Variants in TIGAR observed in about 807,000 individuals in gnomAD.
TIGAR encodes the protein TP53 induced glycolysis regulatory phosphatase.
A neutral mutation model predicts 17.9 loss-of-function variants in TIGAR; 7 were observed. The observed-to-expected ratio is 0.39, with a 90% CI of 0.22 to 0.73. The LOEUF is 0.73. TIGAR is among the 30% of genes least tolerant of loss of function. TIGAR has a pLI of 0.42. For synonymous variants in TIGAR, 94 were observed against 108.6 expected (o/e 0.87, Z 0.84); for missense variants, 258 against 327.4 (o/e 0.79, Z 1.64).
At chr12:4,336,389 G>T (rs1429820577) in intron 2 of TIGAR, among the ~76,000 whole-genome samples, 1 of 150,902 alleles carries the variant, frequency 6.6e-6, no homozygotes, top group Non-Finnish European at 1.5e-5. Flanking sequence ...GGGCTTTGGG[G>T]TTGCTTTACT....
intron 1 of TIGAR, chr12:4,324,671 G>T: frequency 1.8e-6 from 2 of 1,126,204 alleles, no homozygotes; most frequent in Non-Finnish European, 2.6e-6. Flanking sequence ...CGCAGGCCCG[G>T]GTTCACTTGC....
intron 1 of TIGAR, chr12:4,324,323 CTTTTT>C (rs34096957): frequency 1.3e-3 from 810 of 627,744 alleles, no homozygotes; most frequent in African/African-American, 0.011. Flanking sequence ...ATTTAACTTC[CTTTTT>C]TTTTTTTTTT....
At chr12:4,327,617 A>C (rs1200176756) in intron 1 of TIGAR, among the ~76,000 whole-genome samples, 2 of 152,178 alleles carry the variant, frequency 1.3e-5, no homozygotes, top group Admixed American at 6.5e-5. Context: ...GTGCATATTA[A>C]GTTAGGTGAC....
intron 1 of TIGAR, among the ~76,000 whole-genome samples, chr12:4,329,328 C>CTTTTT (rs34584528): frequency 6.8e-5 from 5 of 73,264 alleles, no homozygotes; most frequent in African/African-American, 1.1e-4. Flanking sequence ...AGCTAATGAT[C>CTTTTT]TTTTTTTTTT....
chr12:4,324,688 T>C (rs1443744377), intron 1 of TIGAR: 1 of 944,132 alleles, frequency 1.1e-6, no homozygotes, highest in Non-Finnish European at 1.7e-6. Flanking sequence ...TTGCGGCCGC[T>C]GGCACGCACT....
At position 4,352,799 on chromosome 12, in the gene TIGAR, C is replaced by T; in HGVS notation, c.*108C>T. On this transcript the variant is annotated 3_prime_UTR_variant, in exon 6 of 6. Transcript: ENST00000179259. Reference sequence around the variant, plus strand: ...TTCTGATTTGGAAACAGTTAAAAGCCAATTTTTAGCTCCAGTGGAACCATA... The same window carrying T: ...TTCTGATTTGGAAACAGTTAAAAGCTAATTTTTAGCTCCAGTGGAACCATA... The T allele has an allele frequency of 1.0e-6, 1 of 1,003,104 alleles. No individual in the cohort carries two copies. The highest frequency in any genetic ancestry group is 1.4e-6 in the Non-Finnish European group (1 of 699,988). The allele number at this position is 1,003,104 out of a possible 1,614,324, so 62.1% of individuals were successfully genotyped here.
intron 2 of TIGAR, among the ~76,000 whole-genome samples, chr12:4,331,794 G>A (rs538324753): frequency 1.3e-5 from 2 of 152,162 alleles, no homozygotes; most frequent in South Asian, 4.1e-4. Context: ...CCCTTTTTCT[G>A]TTAATTTGGA....
rs1864888029 is a variant in TIGAR at position 4,355,330 on chromosome 12, AC to A, written c.*2640del. Among the ~76,000 whole-genome samples the A allele has an allele frequency of 6.6e-6, 1 of 151,982 alleles. No individual in the cohort carries two copies. Among genetic ancestry groups the A allele is most frequent in the African/African-American group, 2.4e-5 (1 of 41,358 alleles). ...TTTGTGGTGTGTGCTCTCAGGCCTC[AC>A]ACCCCCTCATTTGCTAGAGTCTGTG... On this transcript the variant is annotated 3_prime_UTR_variant, in exon 6 of 6. Coordinates refer to ENST00000179259, the MANE Select transcript of TIGAR (RefSeq NM_020375.3).
At chr12:4,346,649 A>C (rs1340996302) in intron 3 of TIGAR, among the ~76,000 whole-genome samples, 1 of 152,148 alleles carries the variant, frequency 6.6e-6, no homozygotes, top group Non-Finnish European at 1.5e-5. Flanking sequence ...AGATATACCT[A>C]ATGTAAATGG....
In TIGAR at chr12:4,355,683, A is replaced by C. The variant is rs760210969; in HGVS notation, c.*2992A>C. Among the ~76,000 whole-genome samples, 1 of 152,252 alleles carries C rather than the reference A, an allele frequency of 6.6e-6. No individual in the cohort carries two copies. The highest frequency in any genetic ancestry group is 1.5e-5 in the Non-Finnish European group (1 of 68,034). ...GAATATGTAGCCATGAACCAAAACA[A>C]AGTCTCTGTCCTTGTGGAACATTTG... On this transcript the variant is annotated 3_prime_UTR_variant, in exon 6 of 6. Transcript: ENST00000179259.
In TIGAR at chr12:4,355,067, A is replaced by G. The variant is rs1006725698; in HGVS notation, c.*2376A>G. On this transcript the variant is annotated 3_prime_UTR_variant, in exon 6 of 6. Transcript: ENST00000179259. ...TTTTTAATATGTGTTCTTAATTTTT[A>G]AGACAAACCAATATACCTTATCCTT... Among the ~76,000 whole-genome samples the G allele has an allele frequency of 1.4e-4, 21 of 151,942 alleles. No homozygotes were observed. Among genetic ancestry groups the G allele is most frequent in the African/African-American group, 5.1e-4 (21 of 41,362 alleles).
chr12:4,323,683 T>C (rs953938573), intron 1 of TIGAR, among the ~76,000 whole-genome samples: 1 of 152,246 alleles, frequency 6.6e-6, no homozygotes. Flanking sequence ...AACCCGGTAT[T>C]TGTAGATTAC....
intron 1 of TIGAR, among the ~76,000 whole-genome samples, chr12:4,322,517 C>T (rs1178123637): frequency 4.6e-5 from 7 of 152,178 alleles, no homozygotes; most frequent in Non-Finnish European, 1.0e-4. Flanking sequence ...AATAAAAGTG[C>T]AGTTGATTCC....
At chr12:4,334,650 C>T (rs564717720) in intron 2 of TIGAR, among the ~76,000 whole-genome samples, 1 of 152,300 alleles carries the variant, frequency 6.6e-6, no homozygotes, top group South Asian at 2.1e-4. Context: ...CTCTGCTCCT[C>T]ATTTGTTTTC....
chr12:4,324,707 G>A (rs1591658258), intron 1 of TIGAR: 1 of 852,322 alleles, frequency 1.2e-6, no homozygotes, highest in Non-Finnish European at 1.9e-6. Flanking sequence ...CTGTACAGCT[G>A]CGTCAGCTGC....
chr12:4,322,153 C>T (rs1163964751), intron 1 of TIGAR, among the ~76,000 whole-genome samples: 12 of 152,152 alleles, frequency 7.9e-5, no homozygotes, highest in African/African-American at 2.2e-4. Context: ...TGCGCCACCA[C>T]GCCCGGCTAA....
intron 3 of TIGAR, among the ~76,000 whole-genome samples, chr12:4,338,358 G>C (rs1864683479): frequency 1.3e-5 from 2 of 152,154 alleles, no homozygotes; most frequent in Non-Finnish European, 2.9e-5. Flanking sequence ...TGAGCCCTAG[G>C]GAGTGTCCTG....
intron 3 of TIGAR, among the ~76,000 whole-genome samples, chr12:4,337,554 T>G (rs1025542512): frequency 6.6e-6 from 1 of 152,212 alleles, no homozygotes; most frequent in Non-Finnish European, 1.5e-5. Flanking sequence ...CTGTAGGGAA[T>G]TAAATCCCAA....
chr12:4,331,770 A>T (rs180877499), intron 2 of TIGAR, among the ~76,000 whole-genome samples: 8 of 152,312 alleles, frequency 5.3e-5, no homozygotes, highest in African/African-American at 1.9e-4. Context: ...CTTTATTCTG[A>T]AGAGATTCTT....
Sources: allele counts gnomAD v4.1 joint callset (sites outside exome capture counted in the v4.1 genomes callset), GRCh38; gene constraint gnomAD v4.1.1; transcripts MANE v1.5; gene names NCBI Gene and HGNC (gene_info 2026-07-23, HGNC 2026-07-21).